Variants in CLTCL1 observed in about 807,000 individuals in gnomAD.
CLTCL1 encodes clathrin heavy chain like 1.
Under a neutral mutation model 190.0 loss-of-function variants are expected in CLTCL1, and 159 were observed. The observed-to-expected ratio is 0.84, with a 90% CI of 0.74 to 0.95. The LOEUF (loss-of-function observed/expected upper bound fraction) is 0.95, where lower values mean the gene tolerates loss of function less well. Ranked by LOEUF, CLTCL1 falls within the 40% of genes least tolerant of loss-of-function variation. CLTCL1 has a pLI of 0.00. For missense variants in CLTCL1, 1,878 were observed against 2,033.4 expected (o/e 0.92, Z 1.47); for synonymous variants, 752 against 769.6 (o/e 0.98, Z 0.38).
chr22:19,201,382 G>C lies in CLTCL1; in HGVS notation c.3712C>G (p.Gln1238Glu), dbSNP rs1400312200. 6.2e-7 allele frequency: 1 copy of C among 1,613,580 alleles called. No individual in the cohort carries two copies. Among genetic ancestry groups the C allele is most frequent in the African/African-American group, 1.3e-5 (1 of 74,930 alleles). Reference sequence around the variant, plus strand: ...TTGCGGCTGTTGTCCACTGCTGCCTGATACTCACCGAGGTGAACCAAGGTG... The same window carrying C: ...TTGCGGCTGTTGTCCACTGCTGCCTCATACTCACCGAGGTGAACCAAGGTG... ...ASTLVHLGEYQAAVDNSRKAS... is the reference protein window; with the variant it reads ...ASTLVHLGEYEAAVDNSRKAS... Residue 1238 changes from glutamine to glutamate, a missense_variant, in exon 23 of 33, where the codon CAG (glutamine) becomes GAG (glutamate). By Grantham distance (29) the Gln-to-Glu change is conservative. Coordinates refer to ENST00000427926, the MANE Select transcript of CLTCL1 (RefSeq NM_007098.4).
At chr22:19,240,062 C>T (rs1408464013) in intron 4 of CLTCL1, among the ~76,000 whole-genome samples, 1 of 151,576 alleles carries the variant, frequency 6.6e-6, no homozygotes, top group African/African-American at 2.4e-5. Context: ...GATTCTCGTG[C>T]CTCAGCCTCC....
chr22:19,241,082 C>T (rs1471294012), intron 4 of CLTCL1, among the ~76,000 whole-genome samples: 1 of 152,198 alleles, frequency 6.6e-6, no homozygotes, highest in Admixed American at 6.5e-5. Flanking sequence ...CAGGGCCGCT[C>T]CAGGACAGGT....
chr22:19,271,777 C>T (rs2087329355), intron 2 of CLTCL1, among the ~76,000 whole-genome samples: 1 of 152,124 alleles, frequency 6.6e-6, no homozygotes, highest in African/African-American at 2.4e-5. Context: ...AGACCTCTGT[C>T]TGTTTTGTTT....
chr22:19,228,436 G>A (rs1448182543), intron 11 of CLTCL1, among the ~76,000 whole-genome samples: 1 of 152,162 alleles, frequency 6.6e-6, no homozygotes, highest in Admixed American at 6.5e-5. Flanking sequence ...CCAAGTTTCT[G>A]AGTGACGCTT....
rs1300407678 is a variant in CLTCL1 at position 19,233,171 on chromosome 22, T to C, written c.1516A>G (p.Lys506Glu). The change falls in exon 9 of 33, where the codon AAA (lysine) becomes GAA (glutamate). Residue 506 changes from lysine (K) to glutamate (E), a missense_variant. Coordinates refer to ENST00000427926, the MANE Select transcript of CLTCL1 (RefSeq NM_007098.4). Reference protein sequence around the residue: ...GQFQKIVLYAKKVGYTPDWIF... With the variant: ...GQFQKIVLYAEKVGYTPDWIF... ...AGTGGTTCAACACACGTTACCTTTT[T>C]GGCATAGAGCACAATTTTCTGGAAT... 2.5e-6 allele frequency: 4 copies of C among 1,612,322 alleles called. No individual in the cohort carries two copies. The highest frequency in any genetic ancestry group is 2.5e-6 in the Non-Finnish European group (3 of 1,178,570).
At chr22:19,230,009 A>G (rs1239273260) in intron 10 of CLTCL1, 34 bp from the exon 11 acceptor site, 1 of 1,558,084 alleles carries the variant, frequency 6.4e-7, no homozygotes, top group East Asian at 2.4e-5. Context: ...TTCACTCAGT[A>G]TGTTTTCATT....
chr22:19,184,785 C>A (rs2084257563), intron 29 of CLTCL1: 2 of 343,404 alleles, frequency 5.8e-6, no homozygotes, highest in Admixed American at 7.8e-5. Context: ...CCAGGAAGCT[C>A]CCAGTCAGTG....
chr22:19,195,949 G>T (rs979950852), intron 26 of CLTCL1, among the ~76,000 whole-genome samples: 2 of 152,212 alleles, frequency 1.3e-5, no homozygotes, highest in Non-Finnish European at 2.9e-5. Context: ...ACGAACTGAG[G>T]CCTGGCCACA....
chr22:19,197,418 C>T (rs1166038185), intron 24 of CLTCL1, among the ~76,000 whole-genome samples: 1 of 152,168 alleles, frequency 6.6e-6, no homozygotes, highest in African/African-American at 2.4e-5. Flanking sequence ...CCTGCCCAGC[C>T]TGCAGCTCCA....
In CLTCL1 at chr22:19,275,858, A is replaced by T. The variant is rs782511417; in HGVS notation, c.43-28T>A. On this transcript the variant is annotated intron_variant, in intron 1 of 32. Coordinates refer to ENST00000427926, the MANE Select transcript of CLTCL1 (RefSeq NM_007098.4). ...AAACAGAAAAAAAGCATTTGATTAA[A>T]TTTTTTTCCTCTGAAATGGACTGAC... 99 of 1,553,364 alleles carry T rather than the reference A, an allele frequency of 6.4e-5. No individual in the cohort carries two copies. In the South Asian group the frequency reaches 9.5e-4, roughly 15 times the overall value.
chr22:19,291,701 G>A lies in CLTCL1; in HGVS notation c.-60C>T, dbSNP rs894503335. 36 of 1,310,248 alleles carry A rather than the reference G, an allele frequency of 2.7e-5. No individual in the cohort carries two copies. The African/African-American group carries it at 5.2e-4, about 19-fold the overall frequency. The allele number at this position is 1,310,248 out of a possible 1,614,324, so 81.2% of individuals were successfully genotyped here. On this transcript the variant is annotated 5_prime_UTR_variant, in exon 1 of 33. Transcript: ENST00000427926. ...CGGCAGGAATGAACGCCGACCCCTC[G>A]CGCGGGCTGACCGGTGGCGACGGCG...
In CLTCL1 at chr22:19,224,011, G is replaced by A. The variant is rs782449822; in HGVS notation, c.2172C>T (p.Asp724=). The change falls in exon 14 of 33, where the codon GAC becomes GAT. Residue 724 remains aspartate (D), a synonymous_variant. Transcript: ENST00000427926. ...GAATGTATTTCAGATGCACATCTGG[G>A]TCTTGGCTGAAGTTCACGATTGAGC... is the stretch of plus-strand genomic sequence containing the variant. ...FLGSIVNFSQ[D]PDVHLKYIQA... is the part of the protein sequence containing the mutation. 7 of 1,613,884 alleles carry A rather than the reference G, an allele frequency of 4.3e-6. No individual in the cohort carries two copies. Among genetic ancestry groups the A allele is most frequent in the Non-Finnish European group, 5.9e-6 (7 of 1,179,900 alleles).
chr22:19,208,387 T>G, intron 21 of CLTCL1, 76 bp from the exon 22 acceptor site: 2 of 1,538,378 alleles, frequency 1.3e-6, no homozygotes, highest in South Asian at 2.3e-5. Context: ...CCCATTCTGT[T>G]CTCAGCCAGA....
intron 2 of CLTCL1, chr22:19,257,737 C>A: frequency 7.8e-7 from 1 of 1,289,614 alleles, no homozygotes; most frequent in Non-Finnish European, 1.0e-6. Flanking sequence ...AGGGGTCTGG[C>A]AGGAATAGGG....
rs5993555 is a variant in CLTCL1, at chr22:19,181,880, C to G, written c.4828-1074G>C. The stretch of plus-strand genomic sequence containing the variant: ...GCAGAGAAGGTGCTCCAGCAGCCAC[C>G]ACCTCCCAGGGCCAGTGGAGTCTGG... On this transcript the variant is annotated intron_variant, in intron 30 of 32. Transcript: ENST00000427926. 4 of 152,372 alleles carry G rather than the reference C, an allele frequency of 2.6e-5. 1 individual carries two copies. Among genetic ancestry groups the G allele is most frequent in the African/African-American group, 9.6e-5 (4 of 41,570 alleles). The allele number at this position is 152,372 out of a possible 1,614,324, so 9.4% of individuals were successfully genotyped here.
At chr22:19,283,710 G>A (rs1475518125) in intron 1 of CLTCL1, among the ~76,000 whole-genome samples, 1 of 152,018 alleles carries the variant, frequency 6.6e-6, no homozygotes, top group African/African-American at 2.4e-5. Context: ...TGACAATGGG[G>A]GCCAGACATG....
intron 18 of CLTCL1, among the ~76,000 whole-genome samples, chr22:19,218,834 T>C (rs2085474116): frequency 6.6e-6 from 1 of 152,162 alleles, no homozygotes; most frequent in South Asian, 2.1e-4. Flanking sequence ...TACCCAATAA[T>C]GACCCCTGGC....
rs1555969244 is a variant in CLTCL1 at position 19,249,769 on chromosome 22, T to G, written c.519+4190A>C. 3 of 228,320 alleles carry G rather than the reference T, an allele frequency of 1.3e-5. No individual in the cohort carries two copies. The East Asian group carries it at 3.2e-4, about 25-fold the overall frequency. The allele number at this position is 228,320 out of a possible 1,614,324, so 14.1% of individuals were successfully genotyped here. The stretch of plus-strand genomic sequence containing the variant: ...TTCTAAGTTGATGGTATGGCTAGGT[T>G]TTGATAATTTTTATTTGGTTTCCCT... On this transcript the variant is annotated intron_variant, in intron 3 of 32. Transcript: ENST00000427926.
rs1382702591 is a variant in CLTCL1, at chr22:19,208,099, A to G, written c.3600+55T>C. On this transcript the variant is annotated intron_variant, in intron 22 of 32. Transcript: ENST00000427926. ...GCTCGGGACTGCTGCTCTGAGGAAC[A>G]TCCCTGGACCTAAATCTGACTGGCA... 6.8e-6 allele frequency: 11 copies of G among 1,608,018 alleles called. No homozygotes were observed. The East Asian group carries it at 2.5e-4, about 36-fold the overall frequency.
Sources: gnomAD v4.1 joint callset for allele counts (sites outside exome capture counted in the v4.1 genomes callset) on GRCh38, gnomAD v4.1.1 for gene constraint, MANE v1.5 for transcripts, NCBI Gene and HGNC (gene_info 2026-07-23, HGNC 2026-07-21) for gene names.